EXT2: variants seen among roughly 807,000 people sequenced by gnomAD.
EXT2 encodes exostosin glycosyltransferase 2, also known as exostosin-2.
In EXT2, 53 loss-of-function variants were observed where a neutral mutation model predicts 81.6. The observed-to-expected ratio is 0.65, with a 90% CI of 0.52 to 0.82. The LOEUF (loss-of-function observed/expected upper bound fraction) is 0.82. EXT2 is among the 40% of genes least tolerant of loss of function. The pLI is 0.00. For missense variants in EXT2, 774 were observed against 910.2 expected (o/e 0.85, Z 1.93); for synonymous variants, 320 against 340.0 (o/e 0.94, Z 0.65).
intron 1 of EXT2, among the ~76,000 whole-genome samples, chr11:44,097,766 AAATAAATAAAT>A (rs1953920471): frequency 2.6e-4 from 2 of 7,740 alleles, no homozygotes; most frequent in East Asian, 4.3e-3. Context: ...CTCAAAAAAT[AAATAAATAAAT>A]AAATAAATAA....
rs1280119938 is a variant in EXT2, at chr11:44,247,755, C to G, written c.*3468C>G. Among the ~76,000 whole-genome samples, 2 of 152,204 alleles carry G rather than the reference C, an allele frequency of 1.3e-5. No individual in the cohort carries two copies. The highest frequency in any genetic ancestry group is 1.9e-4 in the East Asian group (1 of 5,198). ...GGAAGAGACAAGCTCCCTCTTTGCTCTCATTGGCCAAAGATGTTGCTAATA... is the reference window on the plus strand; with the variant it reads ...GGAAGAGACAAGCTCCCTCTTTGCTGTCATTGGCCAAAGATGTTGCTAATA... On this transcript the variant is annotated 3_prime_UTR_variant, in exon 14 of 14. Transcript: ENST00000533608.
At chr11:44,204,417 C>A (rs1955557436) in intron 9 of EXT2, among the ~76,000 whole-genome samples, 1 of 152,086 alleles carries the variant, frequency 6.6e-6, no homozygotes, top group African/African-American at 2.4e-5. Flanking sequence ...TAAACAAAAT[C>A]TCTTTGGGAT....
At position 44,251,086 on chromosome 11, in the gene EXT2, T is replaced by A. The variant is rs1205190396; in HGVS notation, c.*6799T>A. 6.6e-6 allele frequency among the ~76,000 whole-genome samples: 1 copy of A among 152,234 alleles called. No homozygotes were observed. Among genetic ancestry groups the A allele is most frequent in the Non-Finnish European group, 1.5e-5 (1 of 68,032 alleles). On this transcript the variant is annotated 3_prime_UTR_variant, in exon 14 of 14. Transcript: ENST00000533608. ...GATATAGTTCCAATAATTTTTTTCC[T>A]AACAGCCTTTTTGTCACCAGTTGGT...
At chr11:44,187,611 A>G (rs1955334800) in intron 8 of EXT2, among the ~76,000 whole-genome samples, 1 of 152,232 alleles carries the variant, frequency 6.6e-6, no homozygotes, top group Admixed American at 6.5e-5. Context: ...GGTTGATAGT[A>G]TAATGCTGTA....
chr11:44,137,338 C>T (rs2135048251), intron 7 of EXT2, among the ~76,000 whole-genome samples: 1 of 152,302 alleles, frequency 6.6e-6, no homozygotes, highest in South Asian at 2.1e-4. Context: ...GATCTAAATC[C>T]TCACAGTCCA....
rs754745825 is a variant in EXT2 at position 44,232,487 on chromosome 11, T to C, written c.1797T>C (p.Phe599=). Residue 599 remains phenylalanine (F), a synonymous_variant, in exon 11 of 14, where the codon TTT becomes TTC. Transcript: ENST00000533608. ...EVSMVLTGAA[F]YHKYFNYLYT... is the part of the protein sequence containing the mutation. ...CCATGGTGCTCACTGGGGCAGCTTT[T>C]TATCACAAGGTAAGGGGGCGCAGTC... 6.2e-7 allele frequency: 1 copy of C among 1,613,932 alleles called. No individual in the cohort carries two copies. The highest frequency in any genetic ancestry group is 1.1e-5 in the South Asian group (1 of 91,056).
At chr11:44,243,024 G>A (rs1363183685) in intron 13 of EXT2, among the ~76,000 whole-genome samples, 1 of 152,206 alleles carries the variant, frequency 6.6e-6, no homozygotes, top group Non-Finnish European at 1.5e-5. Flanking sequence ...TTGTTGCTTT[G>A]TGGTGTTGGT....
chr11:44,213,310 T>C (rs1209646312), intron 10 of EXT2, among the ~76,000 whole-genome samples: 2 of 152,164 alleles, frequency 1.3e-5, no homozygotes, highest in African/African-American at 4.8e-5. Context: ...CAGCATCTCA[T>C]AGCAATACTC....
intron 4 of EXT2, 131 bp downstream of exon 4, chr11:44,114,432 C>G (rs1169484450): frequency 2.5e-6 from 2 of 801,084 alleles, no homozygotes; most frequent in Non-Finnish European, 4.4e-6. Context: ...ACTGAGGCAC[C>G]CATCTTTCCC....
rs1317048711 is a variant in EXT2, at chr11:44,249,601, AT to A, written c.*5318del. Among the ~76,000 whole-genome samples the A allele has an allele frequency of 6.6e-5, 10 of 152,148 alleles. No homozygotes were observed. The highest frequency in any genetic ancestry group is 1.5e-4 in the Non-Finnish European group (10 of 68,040). ...TCCCTTTAGAATATATTTATTTGGA[AT>A]TTTACTTATAGCTGCAAATATATCA... On this transcript the variant is annotated 3_prime_UTR_variant, in exon 14 of 14. Coordinates refer to ENST00000533608, the MANE Select transcript of EXT2 (RefSeq NM_207122.2).
At chr11:44,242,315 G>A (rs1206747887) in intron 13 of EXT2, among the ~76,000 whole-genome samples, 1 of 152,156 alleles carries the variant, frequency 6.6e-6, no homozygotes, top group Non-Finnish European at 1.5e-5. Context: ...CCCATAATTT[G>A]AAGAGAGGGA....
chr11:44,235,225 CTTTTTTTT>C (rs35214626), intron 12 of EXT2, among the ~76,000 whole-genome samples: 4 of 50,768 alleles, frequency 7.9e-5, no homozygotes, highest in African/African-American at 2.7e-4. Flanking sequence ...CCCAAATTTG[CTTTTTTTT>C]TTTTTTTTTT....
At chr11:44,118,551 T>C (rs541422024) in intron 4 of EXT2, among the ~76,000 whole-genome samples, 37 of 152,220 alleles carry the variant, frequency 2.4e-4, no homozygotes, top group Non-Finnish European at 4.7e-4. Context: ...GTCCACTAAA[T>C]AGAAACTTGG....
rs200520590 is a variant in EXT2 at position 44,232,506 on chromosome 11, C to T, written c.1806+10C>T. The T allele has an allele frequency of 4.2e-5, 68 of 1,613,564 alleles. 1 individual carries two copies. In the East Asian group the frequency reaches 8.0e-4, roughly 19 times the overall value. On this transcript the variant is annotated intron_variant, in intron 11 of 13. Coordinates refer to ENST00000533608, the MANE Select transcript of EXT2 (RefSeq NM_207122.2). ...AGCTTTTTATCACAAGGTAAGGGGG[C>T]GCAGTCCTGGCAAGGTGACAAAACT...
intron 4 of EXT2, among the ~76,000 whole-genome samples, chr11:44,119,127 TATATATATATATATATATA>T (rs1954268152): frequency 1.0e-3 from 29 of 28,820 alleles, no homozygotes; most frequent in South Asian, 9.8e-4. Context: ...TGGCTATTTA[TATATATATATATATATATA>T]TATATATATA....
chr11:44,156,226 T>C (rs981795751), intron 7 of EXT2, among the ~76,000 whole-genome samples: 2 of 152,210 alleles, frequency 1.3e-5, no homozygotes, highest in African/African-American at 2.4e-5. Flanking sequence ...TTCAATCTGC[T>C]TGGTGTTCTA....
intron 8 of EXT2, among the ~76,000 whole-genome samples, chr11:44,186,989 CCTTCCTTCCTTCCTT>C (rs1955320846): frequency 9.7e-5 from 6 of 62,108 alleles, no homozygotes; most frequent in African/African-American, 4.2e-4. Flanking sequence ...AAATTTCCTT[CCTTCCTTCCTTCCTT>C]CCTTCCTTCC....
At chr11:44,156,446 C>G (rs909904586) in intron 7 of EXT2, among the ~76,000 whole-genome samples, 6 of 152,064 alleles carry the variant, frequency 3.9e-5, no homozygotes, top group Admixed American at 2.6e-4. Context: ...TCTCCTCTCT[C>G]TATGTTTTCA....
intron 1 of EXT2, among the ~76,000 whole-genome samples, chr11:44,106,464 C>G (rs1954056226): frequency 6.6e-6 from 1 of 151,980 alleles, no homozygotes; most frequent in South Asian, 2.1e-4. Context: ...TATTGATATC[C>G]TTTTGTACTT....
Sources: gnomAD v4.1 joint callset for allele counts (sites outside exome capture counted in the v4.1 genomes callset) on GRCh38, gnomAD v4.1.1 for gene constraint, MANE v1.5 for transcripts, NCBI Gene and HGNC (gene_info 2026-07-23, HGNC 2026-07-21) for gene names.